DISC1: variants seen among roughly 807,000 people sequenced by gnomAD.
DISC1 encodes disrupted in schizophrenia 1 protein.
DISC1 carries 57 observed loss-of-function variants against 84.5 expected under a neutral mutation model. That is an observed-to-expected ratio of 0.67 (90% CI 0.55 to 0.84). DISC1 has a LOEUF of 0.84. DISC1 is among the 40% of genes least tolerant of loss of function. The pLI, the probability that DISC1 is intolerant of heterozygous loss-of-function variation, is 0.00. For synonymous variants in DISC1, 411 were observed against 415.2 expected (o/e 0.99, Z 0.12); for missense variants, 1,000 against 1,057.8 (o/e 0.95, Z 0.76).
At chr1:231,783,085 C>T (rs1269497241) in intron 6 of DISC1, among the ~76,000 whole-genome samples, 1 of 151,958 alleles carries the variant, frequency 6.6e-6, no homozygotes, top group Non-Finnish European at 1.5e-5. Context: ...ATGAAGTTGC[C>T]TTTGGATCAC....
intron 9 of DISC1, among the ~76,000 whole-genome samples, chr1:231,869,946 A>C (rs2085339560): frequency 6.6e-6 from 1 of 152,188 alleles, no homozygotes; most frequent in Non-Finnish European, 1.5e-5. Flanking sequence ...CCGTGTATGA[A>C]AAACAGAACA....
At chr1:231,784,985 G>A (rs1041990870) in intron 6 of DISC1, among the ~76,000 whole-genome samples, 3 of 152,186 alleles carry the variant, frequency 2.0e-5, no homozygotes, top group Non-Finnish European at 2.9e-5. Context: ...AAGATCATCT[G>A]AAGTCTAGAG....
chr1:231,806,457 T>G (rs1018982235), intron 8 of DISC1, among the ~76,000 whole-genome samples: 1 of 152,128 alleles, frequency 6.6e-6, no homozygotes, highest in Non-Finnish European at 1.5e-5. Context: ...CTGGGAGACC[T>G]GCTGGCTTCT....
At chr1:231,865,217 G>T (rs2084963189) in intron 9 of DISC1, among the ~76,000 whole-genome samples, 1 of 152,224 alleles carries the variant, frequency 6.6e-6, no homozygotes, top group Admixed American at 6.5e-5. Flanking sequence ...TGACCTGGGA[G>T]TCTGACAATT....
At position 231,694,626 on chromosome 1, in the gene DISC1, G is replaced by C. The variant is rs181037363; in HGVS notation, c.868G>C (p.Asp290His). The C allele has an allele frequency of 2.0e-5, 33 of 1,614,262 alleles. No homozygotes were observed. In the East Asian group the frequency reaches 5.3e-4, roughly 26 times the overall value. ...AARNSSRPER[D>H]MHSLPDMDPG... ...AAGGAACAGCTCCAGGCCAGAGCGT[G>C]ACATGCATTCTTTACCAGACATGGA... Residue 290 changes from aspartate to histidine, a missense_variant, in exon 2 of 13, where the codon GAC (aspartate) becomes CAC (histidine). Physicochemically the swap from Asp to His is moderately conservative, Grantham distance 81 (BLOSUM62 -1). This residue lies in a region of DISC1 where 311 missense variants were observed against 400.1 expected (regional missense o/e 0.78). Transcript: ENST00000439617.
chr1:231,903,794 T>A (rs1164677577), intron 9 of DISC1, among the ~76,000 whole-genome samples: 1 of 152,118 alleles, frequency 6.6e-6, no homozygotes, highest in Non-Finnish European at 1.5e-5. Context: ...GGGCAACAGA[T>A]CATGTGGGGT....
intron 9 of DISC1, among the ~76,000 whole-genome samples, chr1:231,862,922 T>C (rs2084774859): frequency 6.6e-6 from 1 of 152,172 alleles, no homozygotes; most frequent in Non-Finnish European, 1.5e-5. Flanking sequence ...GTTCTCAGTT[T>C]GTTGAAATCG....
chr1:232,003,733 A>G (rs1233744965), intron 10 of DISC1, among the ~76,000 whole-genome samples: 2 of 152,080 alleles, frequency 1.3e-5, no homozygotes, highest in African/African-American at 2.4e-5. Flanking sequence ...ATTCTCAACC[A>G]GTATGCAATA....
At chr1:231,742,000 G>C (rs1201130443) in intron 3 of DISC1, among the ~76,000 whole-genome samples, 1 of 152,126 alleles carries the variant, frequency 6.6e-6, no homozygotes. Context: ...TTAAACATGA[G>C]CTAGATCATG....
chr1:232,030,841 C>G (rs980910064), intron 12 of DISC1, among the ~76,000 whole-genome samples: 1 of 152,038 alleles, frequency 6.6e-6, no homozygotes, highest in Non-Finnish European at 1.5e-5. Context: ...TGGCCAGGTG[C>G]GGTGGCTTAC....
At chr1:231,720,600 A>T (rs540834616) in intron 3 of DISC1, among the ~76,000 whole-genome samples, 14 of 152,246 alleles carry the variant, frequency 9.2e-5, no homozygotes, top group African/African-American at 3.1e-4. Flanking sequence ...TCGGCCTCTC[A>T]AAGTGCTGGG....
Position 231,961,948 on chromosome 1 carries a change from A to G in DISC1, c.2042+3060A>G, listed in dbSNP as rs187158322. Among the ~76,000 whole-genome samples, 20 of 152,316 alleles carry G rather than the reference A, an allele frequency of 1.3e-4. No individual in the cohort carries two copies. The South Asian group carries it at 1.4e-3, about 11-fold the overall frequency. Reference sequence around the variant, plus strand: ...AGTTCTGTTTTAAGTTCTTTGGGAAATCTGCCAACTGCTTCTACAGTGACT... The same window carrying G: ...AGTTCTGTTTTAAGTTCTTTGGGAAGTCTGCCAACTGCTTCTACAGTGACT... On this transcript the variant is annotated intron_variant, in intron 10 of 12. Transcript: ENST00000439617.
chr1:231,733,623 G>C (rs111163065), intron 3 of DISC1, among the ~76,000 whole-genome samples: 3 of 142,794 alleles, frequency 2.1e-5, no homozygotes, highest in African/African-American at 7.9e-5. Context: ...TAGGAGTGGT[G>C]GTGGTTGTGG....
intron 3 of DISC1, among the ~76,000 whole-genome samples, chr1:231,743,205 A>G (rs1315761234): frequency 2.0e-5 from 3 of 152,218 alleles, no homozygotes; most frequent in Non-Finnish European, 4.4e-5. Context: ...GCTTAATGAT[A>G]TTACTAATAA....
intron 3 of DISC1, among the ~76,000 whole-genome samples, chr1:231,717,283 C>A (rs2068883048): frequency 6.6e-6 from 1 of 152,212 alleles, no homozygotes; most frequent in Non-Finnish European, 1.5e-5. Context: ...TTAACAAGGT[C>A]TTCAGTTGGA....
intron 10 of DISC1, among the ~76,000 whole-genome samples, chr1:231,962,458 C>A (rs936880731): frequency 1.3e-5 from 2 of 152,080 alleles, no homozygotes; most frequent in African/African-American, 4.8e-5. Flanking sequence ...TTTCCCAAGG[C>A]TGATGGAACC....
intron 9 of DISC1, among the ~76,000 whole-genome samples, chr1:231,923,432 A>G (rs562094671): frequency 6.6e-6 from 1 of 151,826 alleles, no homozygotes; most frequent in Admixed American, 6.5e-5. Context: ...CTTCCAGCTT[A>G]CCCATTTACC....
At chr1:231,920,572 T>C (rs2089932944) in intron 9 of DISC1, among the ~76,000 whole-genome samples, 2 of 152,220 alleles carry the variant, frequency 1.3e-5, no homozygotes, top group Non-Finnish European at 2.9e-5. Context: ...TTAAGGTTTG[T>C]CTGTGTTGCA....
At chr1:231,834,679 C>T (rs1217430910) in intron 9 of DISC1, among the ~76,000 whole-genome samples, 1 of 149,338 alleles carries the variant, frequency 6.7e-6, no homozygotes, top group Non-Finnish European at 1.5e-5. Flanking sequence ...AAGAAGGGGG[C>T]AATGGGGGGC....
Sources: allele counts gnomAD v4.1 joint callset (sites outside exome capture counted in the v4.1 genomes callset), GRCh38; gene constraint gnomAD v4.1.1; regional missense constraint gnomAD v4.1.1; transcripts MANE v1.5; gene names NCBI Gene and HGNC (gene_info 2026-07-23, HGNC 2026-07-21).